The following MMAB variants were observed in gnomAD, a reference collection of about 807,000 sequenced individuals.
The protein encoded by MMAB is metabolism of cobalamin associated B.
A neutral mutation model predicts 30.6 loss-of-function variants in MMAB; 17 were observed. That is an observed-to-expected ratio of 0.56 (90% confidence interval 0.38 to 0.83). The LOEUF (loss-of-function observed/expected upper bound fraction) is 0.83. Ranked by LOEUF, MMAB falls within the 40% of genes least tolerant of loss-of-function variation. The pLI, the probability that MMAB is intolerant of heterozygous loss-of-function variation, is 0.00. For missense variants in MMAB, 311 were observed against 331.6 expected (o/e 0.94, Z 0.48); for synonymous variants, 134 against 138.6 (o/e 0.97, Z 0.23).
rs562046988 is a variant in MMAB, at chr12:109,555,907, G to A, written c.*1121C>T. ...AGACCAGCTGTCCCGAGCCTAGCGC[G>A]GTGGCCCATGCTAAGCAGCCACTCA... On this transcript the variant is annotated 3_prime_UTR_variant, in exon 9 of 9. Coordinates refer to ENST00000545712, the MANE Select transcript of MMAB (RefSeq NM_052845.4). The A allele has an allele frequency of 3.1e-5, 14 of 454,070 alleles. No homozygotes were observed. The highest frequency in any genetic ancestry group is 9.3e-5 in the South Asian group (6 of 64,478). 28.1% of individuals were successfully genotyped at this position (454,070 alleles called of 1,614,324 possible).
chr12:109,561,682 C>G lies in MMAB; in HGVS notation c.421+98G>C. On this transcript the variant is annotated intron_variant, in intron 5 of 8. Coordinates refer to ENST00000545712, the MANE Select transcript of MMAB (RefSeq NM_052845.4). The surrounding 1 kb of genome is among the most constrained non-coding windows in gnomAD (Gnocchi z 5.3). ...GCTACGAGCAAGGCTAACTGACCCA[C>G]CCGTGGGTCCCTGGGGGCCTGGGAT... 7.7e-7 allele frequency: 1 copy of G among 1,301,960 alleles called. No homozygotes were observed. The highest frequency in any genetic ancestry group is 2.5e-5 in the East Asian group (1 of 39,790). The allele number at this position is 1,301,960 out of a possible 1,614,324, so 80.7% of individuals were successfully genotyped here.
intron 4 of MMAB, among the ~76,000 whole-genome samples, chr12:109,564,494 C>T (rs1293010092): frequency 6.6e-6 from 1 of 151,830 alleles, no homozygotes; most frequent in Non-Finnish European, 1.5e-5. Context: ...AGCGATTCTC[C>T]CACCTCAGCC....
intron 1 of MMAB, 198 bp downstream of exon 1, chr12:109,573,149 G>A: frequency 1.5e-6 from 1 of 673,354 alleles, no homozygotes. Context: ...GATGATAGCG[G>A]GACTTCATTG....
intron 3 of MMAB, chr12:109,567,000 G>A (rs1295630015): frequency 1.1e-5 from 5 of 455,898 alleles, no homozygotes; most frequent in Non-Finnish European, 2.2e-5. Flanking sequence ...TATCTGTCCC[G>A]AAAATCTCAC....
At chr12:109,566,358 C>T (rs1169727199) in intron 3 of MMAB, among the ~76,000 whole-genome samples, 1 of 152,238 alleles carries the variant, frequency 6.6e-6, no homozygotes, top group Non-Finnish European at 1.5e-5. Context: ...GAATATCCAG[C>T]CCATCTTCCT....
At chr12:109,571,530 G>GCT in intron 2 of MMAB, 119 bp downstream of exon 2, 2 of 913,464 alleles carry the variant, frequency 2.2e-6, no homozygotes, top group Non-Finnish European at 3.5e-6. Flanking sequence ...GGGATTACAG[G>GCT]CATGAGCCAC....
chr12:109,554,141 C>T lies in MMAB; in HGVS notation c.*2887G>A, dbSNP rs1387655166. 10 of 453,738 alleles carry T rather than the reference C, an allele frequency of 2.2e-5. No individual in the cohort carries two copies. The highest frequency in any genetic ancestry group is 6.9e-5 in the East Asian group (1 of 14,400). The allele number at this position is 453,738 out of a possible 1,614,324, so 28.1% of individuals were successfully genotyped here. A position where few individuals can be genotyped will look rare whatever the true frequency, so the allele number is the denominator to read the frequency against. ...GGGCTGTGAGTGACGAGGCCGCGTC[C>T]GGGGCTCACATCTTGGCACTGACTC... On this transcript the variant is annotated 3_prime_UTR_variant, in exon 9 of 9. Transcript: ENST00000545712.
intron 3 of MMAB, among the ~76,000 whole-genome samples, chr12:109,566,625 T>C (rs1415591420): frequency 6.6e-6 from 1 of 152,200 alleles, no homozygotes; most frequent in Non-Finnish European, 1.5e-5. Context: ...GCCCAGTGAG[T>C]GCTGCCTGCT....
At position 109,556,428 on chromosome 12, in the gene MMAB, T is replaced by G. The variant is rs1883972627; in HGVS notation, c.*600A>C. On this transcript the variant is annotated 3_prime_UTR_variant, in exon 9 of 9. Transcript: ENST00000545712. The stretch of plus-strand genomic sequence containing the variant: ...CACTTCAATCTAAGCCAGGAGTTTC[T>G]GAGCCTCGCCTGTCAATCTGCAGCT... 2.2e-6 allele frequency: 1 copy of G among 454,122 alleles called. No individual in the cohort carries two copies. Among genetic ancestry groups the G allele is most frequent in the Non-Finnish European group, 4.4e-6 (1 of 226,798 alleles). 28.1% of individuals were successfully genotyped at this position (454,122 alleles called of 1,614,324 possible).
In MMAB at chr12:109,561,064, G is replaced by T. The variant is rs1884179041; in HGVS notation, c.560C>A (p.Ala187Asp). 6.3e-7 allele frequency: 1 copy of T among 1,593,296 alleles called. No individual in the cohort carries two copies. Among genetic ancestry groups the T allele is most frequent in the Non-Finnish European group, 8.6e-7 (1 of 1,169,188 alleles). Residue 187 changes from alanine (A) to aspartate (D), a missense_variant, in exon 7 of 9, where the codon GCC becomes GAC. By Grantham distance (126) the Ala-to-Asp change is moderately radical (BLOSUM62 -2). Transcript: ENST00000545712. The surrounding 1 kb of genome is among the most constrained non-coding windows in gnomAD (Gnocchi z 5.3). ...KISSALHFCR[A>D]VCRRAERRVV... Reference sequence around the variant, plus strand: ...CCGTCTCTCGGCCCGGCGGCACACGGCCCGGCAGAAATGCAGCGCCGAGCT... The same window carrying T: ...CCGTCTCTCGGCCCGGCGGCACACGTCCCGGCAGAAATGCAGCGCCGAGCT...
At chr12:109,559,192 T>C (rs773903203) in intron 7 of MMAB, 37 bp from the exon 8 acceptor site, 1 of 1,521,834 alleles carries the variant, frequency 6.6e-7, no homozygotes, top group South Asian at 1.1e-5. Flanking sequence ...CGTGACATTA[T>C]GGGGCTCAAC....
At chr12:109,567,744 G>T (rs980605635) in intron 3 of MMAB, 7 of 152,238 alleles carry the variant, frequency 4.6e-5, no homozygotes, top group Admixed American at 4.6e-4. Context: ...TGATCCTCCT[G>T]CCTCAGCTTT....
rs979856934 is a variant in MMAB, at chr12:109,555,519, C to T, written c.*1509G>A. On this transcript the variant is annotated 3_prime_UTR_variant, in exon 9 of 9. Transcript: ENST00000545712. ...ATGTTGACCAGGCTGGTCTCAAACT[C>T]CTGACCTCAGGTGATCTGCCTGCCT... 3.9e-5 allele frequency: 17 copies of T among 433,434 alleles called. No individual in the cohort carries two copies. The highest frequency in any genetic ancestry group is 1.2e-4 in the South Asian group (7 of 60,672). 26.8% of individuals were successfully genotyped at this position (433,434 alleles called of 1,614,324 possible).
chr12:109,556,648 T>TCACACACACACACACA lies in MMAB; in HGVS notation c.*364_*379dup, dbSNP rs67024670. ...GAGCTGGCAGTGGGAGGGCTCTCTC[T>TCACACACACACACACA]CACACACACACACACACACACACAC... On this transcript the variant is annotated 3_prime_UTR_variant, in exon 9 of 9. Transcript: ENST00000545712. The TCACACACACACACACA allele has an allele frequency of 7.9e-5, 26 of 328,296 alleles. No homozygotes were observed. Among genetic ancestry groups the TCACACACACACACACA allele is most frequent in the African/African-American group, 5.3e-4 (18 of 33,950 alleles). The allele number at this position is 328,296 out of a possible 1,614,324, so 20.3% of individuals were successfully genotyped here.
chr12:109,560,980 C>A (rs1884170001), intron 7 of MMAB, 60 bp downstream of exon 7: 2 of 686,498 alleles, frequency 2.9e-6, no homozygotes, highest in African/African-American at 1.8e-5. Context: ...TCTCCCTCCC[C>A]CCTCCCCCTT....
intron 2 of MMAB, among the ~76,000 whole-genome samples, chr12:109,570,440 C>T (rs1257235735): frequency 6.6e-6 from 1 of 152,120 alleles, no homozygotes; most frequent in Non-Finnish European, 1.5e-5. Context: ...GAAATTTTAC[C>T]ATTTTGACCC....
chr12:109,561,587 C>T lies in MMAB; in HGVS notation c.422-70G>A, dbSNP rs1884208031. On this transcript the variant is annotated intron_variant, in intron 5 of 8. Transcript: ENST00000545712. The surrounding 1 kb of genome is among the most constrained non-coding windows in gnomAD (Gnocchi z 5.3). The stretch of plus-strand genomic sequence containing the variant: ...CACCAGACCATGGCGGGAACCACCC[C>T]CGCCGCCCTTCCACCTGGGTGTCCC... 3 of 1,392,808 alleles carry T rather than the reference C, an allele frequency of 2.2e-6. No homozygotes were observed. The South Asian group carries it at 3.7e-5, about 17-fold the overall frequency. The allele number at this position is 1,392,808 out of a possible 1,614,324, so 86.3% of individuals were successfully genotyped here. A position where few individuals can be genotyped will look rare whatever the true frequency, so the allele number is the denominator to read the frequency against.
chr12:109,561,963 T>G lies in MMAB; in HGVS notation c.349-111A>C. Reference sequence around the variant, plus strand: ...GGCAAAGCCTGTGCCAGCTAGCTCATGAAGGGCTGTGATATGGTTTGGCAA... The same window carrying G: ...GGCAAAGCCTGTGCCAGCTAGCTCAGGAAGGGCTGTGATATGGTTTGGCAA... On this transcript the variant is annotated intron_variant, in intron 4 of 8. Transcript: ENST00000545712. The surrounding 1 kb of genome is among the most constrained non-coding windows in gnomAD (Gnocchi z 5.3). 1.1e-6 allele frequency: 1 copy of G among 885,346 alleles called. No homozygotes were observed. The highest frequency in any genetic ancestry group is 1.8e-6 in the Non-Finnish European group (1 of 551,404). The allele number at this position is 885,346 out of a possible 1,614,324, so 54.8% of individuals were successfully genotyped here.
Position 109,556,379 on chromosome 12 carries a change from T to G in MMAB, c.*649A>C, listed in dbSNP as rs182998595. 1.1e-5 allele frequency: 5 copies of G among 454,080 alleles called. No homozygotes were observed. The East Asian group carries it at 3.5e-4, about 32-fold the overall frequency. 28.1% of individuals were successfully genotyped at this position (454,080 alleles called of 1,614,324 possible). A position where few individuals can be genotyped will look rare whatever the true frequency, so the allele number is the denominator to read the frequency against. On this transcript the variant is annotated 3_prime_UTR_variant, in exon 9 of 9. Coordinates refer to ENST00000545712, the MANE Select transcript of MMAB (RefSeq NM_052845.4). The stretch of plus-strand genomic sequence containing the variant: ...TCTCCATCCCTTTCAGAGGGGGTCC[T>G]CTAAGCTGCACCCCCATCACACACA...
Sources: allele counts gnomAD v4.1 joint callset (sites outside exome capture counted in the v4.1 genomes callset), GRCh38; gene constraint gnomAD v4.1.1; non-coding constraint Gnocchi (gnomAD v3.1); transcripts MANE v1.5; gene names NCBI Gene and HGNC (gene_info 2026-07-23, HGNC 2026-07-21).